DYRK1A: variants seen among roughly 807,000 people sequenced by gnomAD.
The protein encoded by DYRK1A is dual specificity tyrosine phosphorylation regulated kinase 1A.
Under a neutral mutation model 79.7 loss-of-function variants are expected in DYRK1A, and 9 were observed. The observed-to-expected ratio is 0.11, with a 90% CI of 0.07 to 0.20. DYRK1A has a LOEUF of 0.20. DYRK1A is among the 10% of genes least tolerant of loss of function. DYRK1A has a pLI of 1.00. For synonymous variants in DYRK1A, 349 were observed against 329.7 expected (o/e 1.06, Z -0.63); for missense variants, 622 against 956.0 (o/e 0.65, Z 4.61).
chr21:37,486,666 G>A lies in DYRK1A; in HGVS notation c.637+52G>A, dbSNP rs2052880583. ...GTGCCCCAACCCACACCAAAACTTT[G>A]AGTTAATGGTTCTTTTCTATCAAAA... On this transcript the variant is annotated intron_variant, in intron 6 of 11. Transcript: ENST00000647188. The A allele has an allele frequency of 7.3e-6, 10 of 1,367,692 alleles. No individual in the cohort carries two copies. The Admixed American group carries it at 2.6e-4, about 36-fold the overall frequency. The allele number at this position is 1,367,692 out of a possible 1,614,324, so 84.7% of individuals were successfully genotyped here.
chr21:37,507,955 A>T (rs1016915868), intron 11 of DYRK1A, among the ~76,000 whole-genome samples: 2 of 152,184 alleles, frequency 1.3e-5, no homozygotes, highest in African/African-American at 4.8e-5. Flanking sequence ...GTGCACACAC[A>T]GCACATAAAC....
intron 2 of DYRK1A, among the ~76,000 whole-genome samples, chr21:37,471,502 C>T (rs767325346): frequency 1.3e-5 from 2 of 152,238 alleles, no homozygotes; most frequent in Non-Finnish European, 2.9e-5. Flanking sequence ...CTCTACAGTA[C>T]TTGCAGATAA....
intron 4 of DYRK1A, 73 bp from the exon 5 acceptor site, chr21:37,480,565 C>A: frequency 1.7e-6 from 2 of 1,206,056 alleles, no homozygotes; most frequent in South Asian, 3.3e-5. Flanking sequence ...AGGTGTGTGT[C>A]AATATACTCT....
chr21:37,484,374 G>GC (rs1466011445), intron 5 of DYRK1A, among the ~76,000 whole-genome samples: 1 of 150,184 alleles, frequency 6.7e-6, no homozygotes, highest in African/African-American at 2.5e-5. Flanking sequence ...TGTTGCCCAG[G>GC]CTGGAGTGCA....
chr21:37,388,733 C>T (rs1286583137), intron 1 of DYRK1A, among the ~76,000 whole-genome samples: 2 of 150,852 alleles, frequency 1.3e-5, no homozygotes, highest in African/African-American at 2.4e-5. Flanking sequence ...CAAGCTCTGC[C>T]TCCTGGGTTT....
At chr21:37,394,401 ACTC>A (rs2049924232) in intron 1 of DYRK1A, among the ~76,000 whole-genome samples, 1 of 152,142 alleles carries the variant, frequency 6.6e-6, no homozygotes, top group Non-Finnish European at 1.5e-5. Context: ...GTTGAACTGT[ACTC>A]ATCTTGATAC....
In DYRK1A at chr21:37,463,203, C is replaced by CGTGTGTGTGTGTGTGTGTGTGT. The variant is rs6147501; in HGVS notation, c.11-9472_11-9451dup. Reference sequence around the variant, plus strand: ...TGTGTGTGTGTGTTTAATGTTGGCACGTGTGTGTGTGTGTGTGTGTGTGTG... The same window carrying CGTGTGTGTGTGTGTGTGTGTGT: ...TGTGTGTGTGTGTTTAATGTTGGCACGTGTGTGTGTGTGTGTGTGTGTGTGTGTGTGTGTGTGTGTGTGTGTG... On this transcript the variant is annotated intron_variant, in intron 2 of 11. Coordinates refer to ENST00000647188, the MANE Select transcript of DYRK1A (RefSeq NM_001347721.2). Among the ~76,000 whole-genome samples, 152 of 145,358 alleles carry CGTGTGTGTGTGTGTGTGTGTGT rather than the reference C, an allele frequency of 1.0e-3. 1 individual carries two copies. The highest frequency in any genetic ancestry group is 6.8e-3 in the East Asian group (33 of 4,830).
intron 4 of DYRK1A, among the ~76,000 whole-genome samples, chr21:37,480,148 A>G (rs1054475449): frequency 1.3e-5 from 2 of 152,198 alleles, no homozygotes; most frequent in African/African-American, 4.8e-5. Flanking sequence ...ATCAAATATA[A>G]ATAAATTCAT....
At chr21:37,436,112 TA>T (rs1211023694) in intron 2 of DYRK1A, among the ~76,000 whole-genome samples, 1 of 152,110 alleles carries the variant, frequency 6.6e-6, no homozygotes, top group African/African-American at 2.4e-5. Flanking sequence ...TGGAAGGGTA[TA>T]GGGGAAAAAA....
intron 2 of DYRK1A, among the ~76,000 whole-genome samples, chr21:37,440,197 G>T (rs2051059574): frequency 8.0e-6 from 1 of 125,134 alleles, no homozygotes; most frequent in African/African-American, 3.0e-5. Context: ...GTGCAGTGGT[G>T]TGATCTCGGT....
intron 8 of DYRK1A, among the ~76,000 whole-genome samples, chr21:37,495,385 C>T (rs1478351580): frequency 2.6e-5 from 4 of 152,076 alleles, no homozygotes; most frequent in African/African-American, 7.2e-5. Flanking sequence ...GGGCCGGGCA[C>T]GGTGGCTCAC....
chr21:37,392,466 TAA>T (rs995196847), intron 1 of DYRK1A, among the ~76,000 whole-genome samples: 1 of 152,256 alleles, frequency 6.6e-6, no homozygotes, highest in East Asian at 1.9e-4. Context: ...GAATAATTTA[TAA>T]AAAATAGAAT....
chr21:37,404,549 A>G (rs964236282), intron 1 of DYRK1A, among the ~76,000 whole-genome samples: 3 of 152,066 alleles, frequency 2.0e-5, no homozygotes, highest in Non-Finnish European at 4.4e-5. Context: ...CAGATGCCTG[A>G]ACTCTAAGCT....
intron 1 of DYRK1A, among the ~76,000 whole-genome samples, chr21:37,411,317 T>C (rs1360660866): frequency 2.7e-5 from 4 of 150,128 alleles, no homozygotes; most frequent in East Asian, 4.0e-4. Context: ...GATCACGCCA[T>C]TGCACTCCAG....
At chr21:37,407,336 C>T (rs1198312902) in intron 1 of DYRK1A, among the ~76,000 whole-genome samples, 1 of 152,194 alleles carries the variant, frequency 6.6e-6, no homozygotes, top group Middle Eastern at 3.4e-3. Context: ...GGCTGTAACC[C>T]ATCATATGAG....
At chr21:37,370,809 G>A (rs1334012129) in intron 1 of DYRK1A, among the ~76,000 whole-genome samples, 2 of 152,086 alleles carry the variant, frequency 1.3e-5, no homozygotes, top group Non-Finnish European at 2.9e-5. Flanking sequence ...GTCTATTTTC[G>A]ATTTAGAAGT....
Position 37,515,867 on chromosome 21 carries a change from T to C in DYRK1A, c.*3336T>C, listed in dbSNP as rs2053875388. ...ACCGACATTTTTATTTAAAACTACA[T>C]GTAAAAAATCATGAAAGATTCAGTA... On this transcript the variant is annotated 3_prime_UTR_variant, in exon 12 of 12. Coordinates refer to ENST00000647188, the MANE Select transcript of DYRK1A (RefSeq NM_001347721.2). 1 of 152,044 alleles carries C rather than the reference T, an allele frequency of 6.6e-6. No individual in the cohort carries two copies. 9.4% of individuals were successfully genotyped at this position (152,044 alleles called of 1,614,324 possible). A position where few individuals can be genotyped will look rare whatever the true frequency, so the allele number is the denominator to read the frequency against.
chr21:37,505,341 G>A lies in DYRK1A; in HGVS notation c.1271G>A (p.Gly424Glu). Residue 424 changes from glycine (G) to glutamate (E), a missense_variant, in exon 10 of 12, where the codon GGA becomes GAA. This residue lies in a region of DYRK1A where 80 missense variants were observed against 116.5 expected (regional missense o/e 0.69). Coordinates refer to ENST00000647188, the MANE Select transcript of DYRK1A (RefSeq NM_001347721.2). The stretch of plus-strand genomic sequence containing the variant: ...AACATTCTTGGAGTGGAAACAGGAG[G>A]ACCTGGTGGGCGACGTGCTGGGGAG... ...LHNILGVETGGPGGRRAGESG... is the reference protein window; with the variant it reads ...LHNILGVETGEPGGRRAGESG... 1 of 1,614,156 alleles carries A rather than the reference G, an allele frequency of 6.2e-7. No individual in the cohort carries two copies. Among genetic ancestry groups the A allele is most frequent in the Non-Finnish European group, 8.5e-7 (1 of 1,180,026 alleles).
chr21:37,444,414 A>G (rs969312434), intron 2 of DYRK1A, among the ~76,000 whole-genome samples: 1 of 152,210 alleles, frequency 6.6e-6, no homozygotes, highest in Non-Finnish European at 1.5e-5. Context: ...GGAGATTATT[A>G]TAGTAAGTCA....
Sources: gnomAD v4.1 joint callset for allele counts (sites outside exome capture counted in the v4.1 genomes callset) on GRCh38, gnomAD v4.1.1 for gene constraint, gnomAD v4.1.1 regional missense constraint, MANE v1.5 for transcripts, NCBI Gene and HGNC (gene_info 2026-07-23, HGNC 2026-07-21) for gene names.